The following DNAH6 variants were observed in gnomAD, a reference collection of about 807,000 sequenced individuals.
The protein encoded by DNAH6 is axonemal beta dynein heavy chain 6.
A neutral mutation model predicts 491.4 loss-of-function variants in DNAH6; 340 were observed. That is an observed-to-expected ratio of 0.69 (90% CI 0.63 to 0.76). The LOEUF (loss-of-function observed/expected upper bound fraction) is 0.76. Ranked by LOEUF, DNAH6 falls within the 30% of genes least tolerant of loss-of-function variation. The pLI is 0.00. For missense variants in DNAH6, 4,443 were observed against 4,972.2 expected, an observed-to-expected ratio of 0.89 and a Z score of 3.20; for synonymous variants, 1,603 against 1,686.1, an observed-to-expected ratio of 0.95 and a Z score of 1.21.
At chr2:84,642,975 T>G (rs796789966) in intron 33 of DNAH6, among the ~76,000 whole-genome samples, 6 of 152,332 alleles carry the variant, frequency 3.9e-5, no homozygotes, top group African/African-American at 1.4e-4. Context: ...TTCCATGCTC[T>G]TCCTTTAGGT....
At chr2:84,802,255 T>C (rs1678993422) in intron 70 of DNAH6, among the ~76,000 whole-genome samples, 1 of 152,172 alleles carries the variant, frequency 6.6e-6, no homozygotes, top group Admixed American at 6.5e-5. Context: ...ACTTAAAAGA[T>C]ATAGAATGGC....
At chr2:84,526,081 G>A (rs1573501892) in intron 3 of DNAH6, among the ~76,000 whole-genome samples, 1 of 152,158 alleles carries the variant, frequency 6.6e-6, no homozygotes, top group South Asian at 2.1e-4. Flanking sequence ...GAGCAATAAA[G>A]TGAGACAAAG....
chr2:84,815,854 C>T lies in DNAH6; in HGVS notation c.12151-7C>T. The T allele has an allele frequency of 6.5e-7, 1 of 1,545,604 alleles. No individual in the cohort carries two copies. ...ATCTCACTTTGAGACTTGTGGGTAT[C>T]TTTCAGTTGCCCTCTCCTGAGGATG... On this transcript the variant is annotated splice_polypyrimidine_tract_variant and splice_region_variant and intron_variant, in intron 75 of 76. Coordinates refer to ENST00000389394, the MANE Select transcript of DNAH6 (RefSeq NM_001370.2).
At chr2:84,819,166 A>G in intron 76 of DNAH6, 139 bp from the exon 77 acceptor site, 1 of 578,390 alleles carries the variant, frequency 1.7e-6, no homozygotes, top group African/African-American at 1.9e-5. Flanking sequence ...AAACAGACCC[A>G]TAAAGGACTA....
At chr2:84,648,757 G>A (rs1024771254) in intron 33 of DNAH6, among the ~76,000 whole-genome samples, 2 of 152,198 alleles carry the variant, frequency 1.3e-5, no homozygotes, top group African/African-American at 4.8e-5. Context: ...TCTATTCCTG[G>A]TGAAGATGCT....
chr2:84,767,214 A>C (rs79940005), intron 64 of DNAH6, among the ~76,000 whole-genome samples: 1 of 152,330 alleles, frequency 6.6e-6, no homozygotes, highest in East Asian at 1.9e-4. Context: ...AATTTAAATT[A>C]CTTCAAATAA....
chr2:84,517,749 T>A (rs2104396296), intron 1 of DNAH6, 70 bp from the exon 2 acceptor site: 1 of 1,205,520 alleles, frequency 8.3e-7, no homozygotes, highest in Non-Finnish European at 1.2e-6. Flanking sequence ...TAAGTCCCTC[T>A]CCAGTAGCCT....
chr2:84,715,413 C>A, intron 57 of DNAH6, 147 bp from the exon 58 acceptor site: 1 of 639,748 alleles, frequency 1.6e-6, no homozygotes, highest in Non-Finnish European at 2.6e-6. Flanking sequence ...AGCCACAGTA[C>A]ACCTAAAGTA....
intron 62 of DNAH6, among the ~76,000 whole-genome samples, chr2:84,740,308 C>T (rs1672394238): frequency 6.6e-6 from 1 of 152,138 alleles, no homozygotes; most frequent in African/African-American, 2.4e-5. Context: ...GGGGTGGAAG[C>T]ACTAGAGAAG....
At chr2:84,503,034 G>T in the DNAH6 span, among the ~76,000 whole-genome samples, 2 of 151,818 alleles carry the variant, frequency 1.3e-5, no homozygotes, top group African/African-American at 4.8e-5. Context: ...CTGCCATTTT[G>T]TTATTTGCTT....
intron 11 of DNAH6, among the ~76,000 whole-genome samples, chr2:84,563,929 C>T (rs895680103): frequency 1.3e-5 from 2 of 152,102 alleles, no homozygotes; most frequent in African/African-American, 4.8e-5. Flanking sequence ...GTGAGTTATT[C>T]CAGCACCATT....
At chr2:84,777,972 T>C in intron 64 of DNAH6, 2 of 959,640 alleles carry the variant, frequency 2.1e-6, no homozygotes, top group Non-Finnish European at 3.4e-6. Flanking sequence ...GCAGTGATAA[T>C]GACCAGCTTG....
At position 84,787,286 on chromosome 2, in the gene DNAH6, A is replaced by G. The variant is rs756263628; in HGVS notation, c.11223A>G (p.Ala3741=). ...AAGAAGGAAAGATTCCCTGGGATGCACTAATTTACATTACTGGTGAGTACG... is the reference window on the plus strand; with the variant it reads ...AAGAAGGAAAGATTCCCTGGGATGCGCTAATTTACATTACTGGTGAGTACG... The part of the protein sequence containing the change: ...YCKEGKIPWD[A]LIYITGEITY... The change falls in exon 68 of 77, where the codon GCA becomes GCG. Residue 3741 remains alanine (A), a synonymous_variant. Transcript: ENST00000389394. 11 of 1,548,810 alleles carry G rather than the reference A, an allele frequency of 7.1e-6. No individual in the cohort carries two copies. Among genetic ancestry groups the G allele is most frequent in the South Asian group, 1.2e-5 (1 of 83,472 alleles).
chr2:84,737,541 C>T (rs1016099356), intron 62 of DNAH6, among the ~76,000 whole-genome samples: 4 of 151,580 alleles, frequency 2.6e-5, no homozygotes, highest in African/African-American at 7.3e-5. Flanking sequence ...TTGTTTTTTT[C>T]GGGTTCAATC....
Position 84,677,100 on chromosome 2 carries a change from A to C in DNAH6, c.6708A>C (p.Pro2236=). Residue 2236 remains proline (P), a synonymous_variant, in exon 41 of 77, where the codon CCA becomes CCC. Coordinates refer to ENST00000389394, the MANE Select transcript of DNAH6 (RefSeq NM_001370.2). ...FIRHFSMLCL[P]MPSEHSLKQI... is the part of the protein sequence containing the mutation. ...GACACTTCAGCATGCTGTGCCTCCCAATGCCCTCAGAGCACAGTCTGAAAC... is the reference window on the plus strand; with the variant it reads ...GACACTTCAGCATGCTGTGCCTCCCCATGCCCTCAGAGCACAGTCTGAAAC... 1 of 1,551,712 alleles carries C rather than the reference A, an allele frequency of 6.4e-7. No individual in the cohort carries two copies.
intron 20 of DNAH6, among the ~76,000 whole-genome samples, chr2:84,606,254 C>T (rs565334784): frequency 6.6e-6 from 1 of 152,214 alleles, no homozygotes; most frequent in South Asian, 2.1e-4. Flanking sequence ...AATAGCTTTT[C>T]CAGGTGTAGG....
intron 76 of DNAH6, among the ~76,000 whole-genome samples, 158 bp from the exon 77 acceptor site, chr2:84,819,147 T>C (rs1680787067): frequency 6.6e-6 from 1 of 152,244 alleles, no homozygotes. Context: ...CTTCATTTTA[T>C]AGAGCATAAA....
intron 63 of DNAH6, among the ~76,000 whole-genome samples, chr2:84,754,074 G>A (rs548338120): frequency 6.6e-6 from 1 of 152,022 alleles, no homozygotes; most frequent in South Asian, 2.1e-4. Flanking sequence ...CACCTGCCTT[G>A]GCCTCCCAAA....
intron 3 of DNAH6, 60 bp from the exon 4 acceptor site, chr2:84,528,844 G>A: frequency 7.0e-7 from 1 of 1,433,214 alleles, no homozygotes. Context: ...ATATTTTGTT[G>A]CTCTTGTGTG....
Sources: gnomAD v4.1 joint callset for allele counts (sites outside exome capture counted in the v4.1 genomes callset) on GRCh38, gnomAD v4.1.1 for gene constraint, MANE v1.5 for transcripts, NCBI Gene and HGNC (gene_info 2026-07-23, HGNC 2026-07-21) for gene names.